Variants in RNF150 observed in about 807,000 individuals in gnomAD.
The protein encoded by RNF150 is ring finger protein 150.
A neutral mutation model predicts 39.3 loss-of-function variants in RNF150; 24 were observed. That is an observed-to-expected ratio of 0.61 (90% CI 0.44 to 0.86). The LOEUF (loss-of-function observed/expected upper bound fraction) is 0.86, where lower values mean the gene tolerates loss of function less well. RNF150 is among the 40% of genes least tolerant of loss of function. The pLI is 0.00. For synonymous variants in RNF150, 255 were observed against 227.3 expected (o/e 1.12, Z -1.10); for missense variants, 502 against 587.8 (o/e 0.85, Z 1.51).
intron 1 of RNF150, among the ~76,000 whole-genome samples, chr4:141,066,071 C>T (rs1037707660): frequency 6.6e-6 from 1 of 152,010 alleles, no homozygotes; most frequent in Non-Finnish European, 1.5e-5. Context: ...GCCCTCAACA[C>T]TATTTGACTC....
chr4:140,970,859 C>T (rs1480182529), intron 1 of RNF150, among the ~76,000 whole-genome samples: 1 of 151,988 alleles, frequency 6.6e-6, no homozygotes, highest in Non-Finnish European at 1.5e-5. Context: ...TTTCAGTATT[C>T]ATAATACATT....
intron 1 of RNF150, among the ~76,000 whole-genome samples, chr4:141,188,062 C>G (rs1728044106): frequency 6.6e-6 from 1 of 152,244 alleles, no homozygotes; most frequent in South Asian, 2.1e-4. Context: ...AATCCCTCAG[C>G]ATTTGCTTGT....
chr4:141,094,533 G>A (rs1738704122), intron 1 of RNF150, among the ~76,000 whole-genome samples: 1 of 152,220 alleles, frequency 6.6e-6, no homozygotes, highest in Non-Finnish European at 1.5e-5. Context: ...TTATTTTGTT[G>A]TTACCGTGGT....
intron 1 of RNF150, among the ~76,000 whole-genome samples, chr4:141,129,256 A>G (rs1319728173): frequency 6.6e-6 from 1 of 152,264 alleles, no homozygotes; most frequent in East Asian, 1.9e-4. Flanking sequence ...TGATATATCC[A>G]TACAACGAAA....
intron 1 of RNF150, among the ~76,000 whole-genome samples, chr4:141,009,505 C>T (rs1734995177): frequency 6.6e-6 from 1 of 152,176 alleles, no homozygotes; most frequent in South Asian, 2.1e-4. Context: ...ACTGGGATAA[C>T]AGGGTGGATG....
At chr4:141,017,476 C>A (rs1285322187) in intron 1 of RNF150, among the ~76,000 whole-genome samples, 1 of 152,170 alleles carries the variant, frequency 6.6e-6, no homozygotes, top group African/African-American at 2.4e-5. Flanking sequence ...GGTACATTTG[C>A]TACAATCAAT....
chr4:141,159,699 C>T (rs1560763531), intron 1 of RNF150, among the ~76,000 whole-genome samples: 1 of 152,072 alleles, frequency 6.6e-6, no homozygotes, highest in African/African-American at 2.4e-5. Context: ...TATGTGACCA[C>T]ACCTGGCTAA....
At chr4:141,003,805 C>G (rs1391176073) in intron 1 of RNF150, among the ~76,000 whole-genome samples, 6 of 152,182 alleles carry the variant, frequency 3.9e-5, no homozygotes, top group Admixed American at 3.3e-4. Flanking sequence ...GCCCAGCACT[C>G]TATTTACATT....
intron 6 of RNF150, among the ~76,000 whole-genome samples, chr4:140,899,302 A>G (rs908286178): frequency 6.6e-6 from 1 of 152,182 alleles, no homozygotes; most frequent in Non-Finnish European, 1.5e-5. Context: ...AGATTTTCCA[A>G]ATTGAAAATT....
intron 1 of RNF150, among the ~76,000 whole-genome samples, chr4:141,105,048 C>A (rs1472624006): frequency 2.0e-5 from 3 of 152,108 alleles, no homozygotes; most frequent in African/African-American, 7.2e-5. Context: ...ATCGTGTATA[C>A]CTATTTAGGA....
At chr4:141,063,668 C>T (rs916021347) in intron 1 of RNF150, among the ~76,000 whole-genome samples, 5 of 152,116 alleles carry the variant, frequency 3.3e-5, no homozygotes, top group African/African-American at 1.2e-4. Flanking sequence ...AAGGACCAGA[C>T]AAAACTGGGT....
intron 6 of RNF150, among the ~76,000 whole-genome samples, chr4:140,886,880 A>G (rs1729595571): frequency 6.6e-6 from 1 of 152,224 alleles, no homozygotes; most frequent in African/African-American, 2.4e-5. Context: ...TGCTTATCCT[A>G]AAGTTGCTAG....
intron 1 of RNF150, among the ~76,000 whole-genome samples, chr4:141,000,087 GAGAAGA>G (rs138129349): frequency 2.8e-5 from 1 of 35,894 alleles, no homozygotes; most frequent in African/African-American, 1.2e-4. Context: ...GAAGAAGAAG[GAGAAGA>G]AGAAGAAGAA....
intron 1 of RNF150, among the ~76,000 whole-genome samples, chr4:141,026,155 A>G (rs755115291): frequency 2.0e-5 from 3 of 152,198 alleles, no homozygotes; most frequent in African/African-American, 4.8e-5. Flanking sequence ...CATCCAGTCT[A>G]TGGTGCTTTT....
intron 1 of RNF150, among the ~76,000 whole-genome samples, chr4:141,051,957 T>A (rs770311580): frequency 6.6e-6 from 1 of 152,124 alleles, no homozygotes; most frequent in Non-Finnish European, 1.5e-5. Flanking sequence ...GACTTATAGT[T>A]CCATGTGGCT....
intron 4 of RNF150, among the ~76,000 whole-genome samples, chr4:140,945,551 C>T (rs1467187187): frequency 6.8e-6 from 1 of 146,746 alleles, no homozygotes; most frequent in African/African-American, 2.5e-5. Flanking sequence ...CATATATACA[C>T]TACATATATA....
chr4:141,000,062 GAAGAAGAAGAAGAAGAAGAAGA>G lies in RNF150; in HGVS notation c.485-32211_485-32190del, dbSNP rs1560679439. On this transcript the variant is annotated intron_variant, in intron 1 of 6. Coordinates refer to ENST00000515673, the MANE Select transcript of RNF150 (RefSeq NM_020724.2). The stretch of plus-strand genomic sequence containing the variant: ...AGAAGAAGAAGAAGAAGAAGAAGAA[GAAGAAGAAGAAGAAGAAGAAGA>G]AGGAGAAGAAGAAGAAGAAGAAGAG... Among the ~76,000 whole-genome samples the G allele has an allele frequency of 2.6e-4, 27 of 103,480 alleles. 3 individuals are homozygous for G. The highest frequency in any genetic ancestry group is 8.9e-4 in the African/African-American group (25 of 28,034). The allele number at this position is 103,480 out of a possible 152,430, so 67.9% of individuals were successfully genotyped here.
At chr4:140,910,151 G>T (rs1301405822) in intron 6 of RNF150, among the ~76,000 whole-genome samples, 1 of 151,958 alleles carries the variant, frequency 6.6e-6, no homozygotes, top group Non-Finnish European at 1.5e-5. Flanking sequence ...ATTTTAGCAT[G>T]CTTTCATACA....
chr4:140,978,654 G>T (rs1199311332), intron 1 of RNF150, among the ~76,000 whole-genome samples: 1 of 152,132 alleles, frequency 6.6e-6, no homozygotes, highest in Non-Finnish European at 1.5e-5. Flanking sequence ...ACATTATTGA[G>T]TGATGAATAC....
Sources: allele counts gnomAD v4.1 joint callset (sites outside exome capture counted in the v4.1 genomes callset), GRCh38; gene constraint gnomAD v4.1.1; transcripts MANE v1.5; gene names NCBI Gene and HGNC (gene_info 2026-07-23, HGNC 2026-07-21).